IGFL2: variants seen among roughly 807,000 people sequenced by gnomAD.
IGFL2 encodes IGF like family member 2, also known as insulin growth factor-like family member 2.
IGFL2 carries 7 observed loss-of-function variants against 13.9 expected under a neutral mutation model. That is an observed-to-expected ratio of 0.51 (90% CI 0.29 to 0.95). The LOEUF is 0.95. Ranked by LOEUF, IGFL2 falls within the 40% of genes least tolerant of loss-of-function variation. IGFL2 has a pLI of 0.08. For missense variants in IGFL2, 138 were observed against 147.8 expected (o/e 0.93, Z 0.34); for synonymous variants, 55 against 55.8 (o/e 0.99, Z 0.07).
downstream of IGFL2, chr19:46,164,352 T>G (rs992674056): frequency 6.6e-6 from 1 of 152,360 alleles, no homozygotes; most frequent in Middle Eastern, 3.4e-3. Flanking sequence ...TGTGCTGTGC[T>G]GGGGGACCTC....
the IGFL2 span, among the ~76,000 whole-genome samples, chr19:46,133,130 G>A: frequency 1.1e-4 from 16 of 152,086 alleles, no homozygotes; most frequent in Non-Finnish European, 2.2e-4. Flanking sequence ...CTTGTCAGCC[G>A]TGAAGGGATC....
chr19:46,128,813 G>C, the IGFL2 span, among the ~76,000 whole-genome samples: 4 of 152,094 alleles, frequency 2.6e-5, no homozygotes, highest in Non-Finnish European at 5.9e-5. Flanking sequence ...TTCTTTTCTT[G>C]TTGTGTGTCT....
chr19:46,122,644 A>G, the IGFL2 span, among the ~76,000 whole-genome samples: 108 of 151,224 alleles, frequency 7.1e-4, 4 homozygotes, highest in African/African-American at 2.5e-3. Flanking sequence ...TATAACTTTT[A>G]ATTACTTTCT....
the IGFL2 span, among the ~76,000 whole-genome samples, chr19:46,211,958 A>G: frequency 9.2e-5 from 14 of 152,196 alleles, no homozygotes; most frequent in Admixed American, 5.9e-4. Context: ...ATGATATTCT[A>G]CCATTACGTG....
the IGFL2 span, among the ~76,000 whole-genome samples, chr19:46,169,640 G>T: frequency 6.6e-6 from 1 of 152,058 alleles, no homozygotes; most frequent in Non-Finnish European, 1.5e-5. Context: ...CTGAGGTCAG[G>T]AGTTCAAAAC....
chr19:46,081,669 G>A, the IGFL2 span, among the ~76,000 whole-genome samples: 1 of 152,068 alleles, frequency 6.6e-6, no homozygotes, highest in Non-Finnish European at 1.5e-5. Flanking sequence ...ACAAGGACAT[G>A]TGGTGCTTAC....
chr19:46,177,230 ACT>A, the IGFL2 span, among the ~76,000 whole-genome samples: 8 of 152,016 alleles, frequency 5.3e-5, no homozygotes, highest in Non-Finnish European at 1.0e-4. Context: ...CCCTGTCTCT[ACT>A]GAAAATACAA....
At chr19:46,210,759 A>G in the IGFL2 span, among the ~76,000 whole-genome samples, 2 of 152,110 alleles carry the variant, frequency 1.3e-5, no homozygotes, top group African/African-American at 4.8e-5. Context: ...ACTAATGCAA[A>G]AGTTAATCTC....
At chr19:46,124,050 G>A in the IGFL2 span, 1 of 1,611,570 alleles carries the variant, frequency 6.2e-7, no homozygotes, top group Non-Finnish European at 8.5e-7. Flanking sequence ...TCTCCTTTAA[G>A]GATAAGATGG....
At chr19:46,115,363 C>T in the IGFL2 span, among the ~76,000 whole-genome samples, 11 of 152,168 alleles carry the variant, frequency 7.2e-5, no homozygotes, top group African/African-American at 2.6e-4. Context: ...TGTGAATAAC[C>T]CCCAAAATAT....
the IGFL2 span, chr19:46,137,306 C>T: frequency 2.8e-6 from 3 of 1,054,250 alleles, 1 homozygote; most frequent in Middle Eastern, 6.0e-4. Context: ...ATATTATCTC[C>T]TTCGTAGGCT....
the IGFL2 span, among the ~76,000 whole-genome samples, chr19:46,090,424 C>G: frequency 1.3e-5 from 2 of 152,144 alleles, no homozygotes; most frequent in South Asian, 4.1e-4. Flanking sequence ...TCTGATTGTT[C>G]TTGATCTTGT....
At chr19:46,083,863 T>C in the IGFL2 span, among the ~76,000 whole-genome samples, 1 of 152,206 alleles carries the variant, frequency 6.6e-6, no homozygotes, top group Non-Finnish European at 1.5e-5. Flanking sequence ...TCCTCGGTTG[T>C]TTGGGAATAG....
chr19:46,197,092 C>G, the IGFL2 span: 623 of 219,288 alleles, frequency 2.8e-3, 4 homozygotes, highest in African/African-American at 0.012. Flanking sequence ...CGTTCTGTGA[C>G]CCTCTGCAGC....
chr19:46,170,776 C>A, the IGFL2 span, among the ~76,000 whole-genome samples: 1 of 152,118 alleles, frequency 6.6e-6, no homozygotes, highest in East Asian at 1.9e-4. Flanking sequence ...CTGCAGCACC[C>A]CCAGGCTTGC....
Position 46,161,096 on chromosome 19 carries a change from T to G in IGFL2, c.*8T>G. ...AGAAGACGTTTTCCCTGAGAAGACA[T>G]AGAAAGAAAATCAACTTTCACTAAG... On this transcript the variant is annotated 3_prime_UTR_variant, in exon 4 of 4. Transcript: ENST00000377693. 6.3e-7 allele frequency: 1 copy of G among 1,587,100 alleles called. No homozygotes were observed. The highest frequency in any genetic ancestry group is 8.6e-7 in the Non-Finnish European group (1 of 1,164,200).
the IGFL2 span, among the ~76,000 whole-genome samples, chr19:46,169,919 A>G: frequency 6.6e-6 from 1 of 151,716 alleles, no homozygotes; most frequent in Non-Finnish European, 1.5e-5. Context: ...AAGTATTTGT[A>G]TGATTTGCTT....
chr19:46,106,862 G>A, the IGFL2 span, among the ~76,000 whole-genome samples: 20 of 152,168 alleles, frequency 1.3e-4, 1 homozygote, highest in African/African-American at 3.9e-4. Context: ...ATGATCAGTC[G>A]CCAAGGAGGG....
the IGFL2 span, among the ~76,000 whole-genome samples, chr19:46,120,956 A>T: frequency 3.3e-5 from 5 of 150,938 alleles, no homozygotes; most frequent in African/African-American, 1.2e-4. Context: ...TTAAAAAATT[A>T]AAAAATAAAC....
Sources: allele counts gnomAD v4.1 joint callset (sites outside exome capture counted in the v4.1 genomes callset), GRCh38; gene constraint gnomAD v4.1.1; transcripts MANE v1.5; gene names NCBI Gene and HGNC (gene_info 2026-07-23, HGNC 2026-07-21).